The following PPM1B variants were observed in gnomAD, a reference collection of about 807,000 sequenced individuals.
The protein encoded by PPM1B is protein phosphatase 1B.
In PPM1B, 22 loss-of-function variants were observed where a neutral mutation model predicts 43.0. The observed-to-expected ratio is 0.51, with a 90% CI of 0.37 to 0.73. The LOEUF (loss-of-function observed/expected upper bound fraction) is 0.73. PPM1B is among the 30% of genes least tolerant of loss of function. PPM1B has a pLI of 0.00. For missense variants in PPM1B, 632 were observed against 584.2 expected, an observed-to-expected ratio of 1.08 and a Z score of -0.84; for synonymous variants, 217 against 197.9, an observed-to-expected ratio of 1.10 and a Z score of -0.81.
chr2:44,192,391 T>C (rs373844820), intron 1 of PPM1B, among the ~76,000 whole-genome samples: 4 of 152,178 alleles, frequency 2.6e-5, no homozygotes, highest in African/African-American at 9.6e-5. Context: ...AATTTTTGTA[T>C]TTTCAGTAGA....
intron 1 of PPM1B, among the ~76,000 whole-genome samples, chr2:44,190,012 C>T (rs1472972601): frequency 3.9e-5 from 6 of 152,118 alleles, no homozygotes; most frequent in East Asian, 3.9e-4. Flanking sequence ...TGGATTATAT[C>T]GTGTGAATGT....
At chr2:44,198,717 C>T (rs1668779159) in intron 1 of PPM1B, among the ~76,000 whole-genome samples, 1 of 152,082 alleles carries the variant, frequency 6.6e-6, no homozygotes, top group African/African-American at 2.4e-5. Flanking sequence ...CAGATTACTT[C>T]CCTGGTTGTC....
chr2:44,196,395 A>G (rs1364103172), intron 1 of PPM1B, among the ~76,000 whole-genome samples: 4 of 152,292 alleles, frequency 2.6e-5, no homozygotes. Context: ...TTGGAGGAAG[A>G]CCACTGAGGT....
intron 1 of PPM1B, among the ~76,000 whole-genome samples, chr2:44,185,700 A>C (rs949912245): frequency 3.5e-4 from 53 of 152,070 alleles, no homozygotes; most frequent in African/African-American, 1.2e-3. Context: ...GTAGAGCTAT[A>C]GTTTCCAGCT....
intron 3 of PPM1B, chr2:44,213,612 A>G (rs1320985249): frequency 6.6e-6 from 1 of 152,134 alleles, no homozygotes; most frequent in African/African-American, 2.4e-5. Flanking sequence ...CTCTACAACT[A>G]TCTAGCTATG....
At chr2:44,234,478 C>G, downstream of PPM1B, 1 of 859,440 alleles carries the variant, frequency 1.2e-6, no homozygotes, top group Non-Finnish European at 1.4e-6. Flanking sequence ...AAGATCGCGC[C>G]ACTGCACTCC....
intron 3 of PPM1B, among the ~76,000 whole-genome samples, chr2:44,212,777 G>A (rs181125131): frequency 6.6e-6 from 1 of 152,076 alleles, no homozygotes; most frequent in Non-Finnish European, 1.5e-5. Context: ...TTGGGAGACC[G>A]AGGCGGGCAG....
At chr2:44,231,568 A>T (rs1350873308), downstream of PPM1B, 6 of 614,010 alleles carry the variant, frequency 9.8e-6, no homozygotes, top group Admixed American at 6.3e-5. Flanking sequence ...TATTTATATA[A>T]CATTTAGAAC....
At position 44,201,018 on chromosome 2, in the gene PPM1B, C is replaced by T. The variant is rs569855281; in HGVS notation, c.-14-168C>T. Among the ~76,000 whole-genome samples the T allele has an allele frequency of 2.8e-4, 43 of 152,162 alleles. 1 individual carries two copies. Among genetic ancestry groups the T allele is most frequent in the African/African-American group, 1.0e-3 (42 of 41,498 alleles). The stretch of plus-strand genomic sequence containing the variant: ...GCGCTAGGGCTGAGAAACCACTGTT[C>T]TGTAGGATGTAGGGGAGGAAATTTC... On this transcript the variant is annotated intron_variant, in intron 1 of 5. Coordinates refer to ENST00000282412, the MANE Select transcript of PPM1B (RefSeq NM_002706.6). The surrounding 1 kb of genome is among the most constrained non-coding windows in gnomAD (Gnocchi z 5.4).
chr2:44,174,293 T>A (rs1412712263), intron 1 of PPM1B, among the ~76,000 whole-genome samples: 1 of 152,186 alleles, frequency 6.6e-6, no homozygotes, highest in Non-Finnish European at 1.5e-5. Context: ...CAAAAGAAGA[T>A]CCAGTTAAAT....
chr2:44,193,885 AT>A (rs1177060990), intron 1 of PPM1B, among the ~76,000 whole-genome samples: 1 of 150,908 alleles, frequency 6.6e-6, no homozygotes, highest in African/African-American at 2.4e-5. Context: ...AGCATAAAAA[AT>A]TTTTTTTTAT....
chr2:44,210,944 T>A (rs748595633), intron 3 of PPM1B, among the ~76,000 whole-genome samples: 1 of 152,150 alleles, frequency 6.6e-6, no homozygotes, highest in Non-Finnish European at 1.5e-5. Flanking sequence ...GAGACCAGCC[T>A]GGCCAACATG....
At chr2:44,189,897 C>G (rs1668321348) in intron 1 of PPM1B, among the ~76,000 whole-genome samples, 1 of 152,100 alleles carries the variant, frequency 6.6e-6, no homozygotes, top group Non-Finnish European at 1.5e-5. Flanking sequence ...TGTTTTACAC[C>G]TTTTTAAAAT....
intron 5 of PPM1B, among the ~76,000 whole-genome samples, chr2:44,226,278 T>C (rs1433057523): frequency 6.6e-6 from 1 of 151,790 alleles, no homozygotes; most frequent in African/African-American, 2.4e-5. Flanking sequence ...CCCGACCTAG[T>C]ATATCTTTTA....
intron 1 of PPM1B, among the ~76,000 whole-genome samples, chr2:44,197,925 C>T (rs1433687762): frequency 3.3e-5 from 5 of 152,056 alleles, no homozygotes; most frequent in Admixed American, 6.6e-5. Context: ...CTTTTCTAGT[C>T]GAAAGAGCAA....
At chr2:44,179,019 C>T (rs889768248) in intron 1 of PPM1B, among the ~76,000 whole-genome samples, 5 of 152,086 alleles carry the variant, frequency 3.3e-5, no homozygotes, top group South Asian at 2.1e-4. Flanking sequence ...CTTGAATTCC[C>T]AGGTGTTCTG....
chr2:44,194,553 C>T (rs1668566181), intron 1 of PPM1B, among the ~76,000 whole-genome samples: 1 of 152,092 alleles, frequency 6.6e-6, no homozygotes, highest in Non-Finnish European at 1.5e-5. Flanking sequence ...GAAACCCCGT[C>T]TCTACTAAAA....
chr2:44,234,580 G>T (rs139184027), downstream of PPM1B: 1 of 984,860 alleles, frequency 1.0e-6, no homozygotes, highest in African/African-American at 1.7e-5. Context: ...GGTTACTGGT[G>T]CTTGAAACAG....
At chr2:44,198,330 T>C (rs571676535) in intron 1 of PPM1B, among the ~76,000 whole-genome samples, 3 of 152,106 alleles carry the variant, frequency 2.0e-5, no homozygotes, top group African/African-American at 7.2e-5. Flanking sequence ...CCGGCCAATT[T>C]TTGTATTTTT....
Sources: gnomAD v4.1 joint callset for allele counts (sites outside exome capture counted in the v4.1 genomes callset) on GRCh38, gnomAD v4.1.1 for gene constraint, Gnocchi (gnomAD v3.1) non-coding constraint, MANE v1.5 for transcripts, NCBI Gene and HGNC (gene_info 2026-07-23, HGNC 2026-07-21) for gene names.